The following PRIM2 variants were observed in gnomAD, a reference collection of about 807,000 sequenced individuals.
PRIM2 encodes DNA primase subunit 2.
A neutral mutation model predicts 67.3 loss-of-function variants in PRIM2; 39 were observed. That is an observed-to-expected ratio of 0.58 (90% CI 0.45 to 0.76). The LOEUF (loss-of-function observed/expected upper bound fraction) is 0.76, where lower values mean the gene tolerates loss of function less well. Ranked by LOEUF, PRIM2 falls within the 30% of genes least tolerant of loss-of-function variation. The pLI is 0.00. For missense variants in PRIM2, 398 were observed against 598.7 expected, an observed-to-expected ratio of 0.66 and a Z score of 3.50; for synonymous variants, 143 against 198.7, an observed-to-expected ratio of 0.72 and a Z score of 2.36.
chr6:57,589,624 G>A (rs1340987980), intron 10 of PRIM2, among the ~76,000 whole-genome samples: 6 of 152,118 alleles, frequency 3.9e-5, no homozygotes, highest in East Asian at 1.9e-4. Context: ...TAAGCAGACC[G>A]CTGTGCATCC....
At chr6:57,480,843 G>A (rs1476501143) in intron 7 of PRIM2, among the ~76,000 whole-genome samples, 11 of 152,108 alleles carry the variant, frequency 7.2e-5, no homozygotes, top group Admixed American at 7.2e-4. Context: ...TGCCAGGACG[G>A]TCTCCATTTC....
intron 7 of PRIM2, among the ~76,000 whole-genome samples, chr6:57,496,342 G>A (rs1202619599): frequency 6.6e-6 from 1 of 152,186 alleles, no homozygotes; most frequent in African/African-American, 2.4e-5. Context: ...CAGGTTATAT[G>A]TCTGGAAATA....
chr6:57,260,429 G>A, the PRIM2 span, among the ~76,000 whole-genome samples: 1 of 152,180 alleles, frequency 6.6e-6, no homozygotes, highest in Admixed American at 6.5e-5. Context: ...AGTGAAAAAT[G>A]TGGTGAATTA....
At chr6:57,589,764 A>G (rs1167616135) in intron 10 of PRIM2, among the ~76,000 whole-genome samples, 10 of 152,184 alleles carry the variant, frequency 6.6e-5, no homozygotes, top group African/African-American at 1.9e-4. Context: ...AGCAGACAGT[A>G]TTAGAACTAT....
rs1391513061 is a variant in PRIM2 at position 57,353,079 on chromosome 6, T to A, written c.460-26822T>A. Reference sequence around the variant, plus strand: ...GATATGTGTCATATCCCTTCAAAGCTGTAATTGCTTTAAATTAGACTGTCA... The same window carrying A: ...GATATGTGTCATATCCCTTCAAAGCAGTAATTGCTTTAAATTAGACTGTCA... On this transcript the variant is annotated intron_variant, in intron 5 of 13. Transcript: ENST00000615550. 2.7e-5 allele frequency among the ~76,000 whole-genome samples: 4 copies of A among 150,302 alleles called. No individual in the cohort carries two copies. In the East Asian group the frequency reaches 7.8e-4, roughly 29 times the overall value.
chr6:57,515,842 G>A (rs1200633158), intron 8 of PRIM2, among the ~76,000 whole-genome samples: 1 of 152,148 alleles, frequency 6.6e-6, no homozygotes, highest in Non-Finnish European at 1.5e-5. Flanking sequence ...ATCGGACATG[G>A]GTCTTGCCAG....
At chr6:57,618,816 C>T (rs1174121364) in intron 12 of PRIM2, among the ~76,000 whole-genome samples, 2 of 151,994 alleles carry the variant, frequency 1.3e-5, no homozygotes, top group Non-Finnish European at 2.9e-5. Flanking sequence ...AGCCCCACCC[C>T]CACCTGACAG....
At chr6:57,453,347 A>G (rs1174755014) in intron 7 of PRIM2, among the ~76,000 whole-genome samples, 7 of 152,054 alleles carry the variant, frequency 4.6e-5, no homozygotes, top group Admixed American at 3.3e-4. Context: ...CTTGATGGGG[A>G]TGGCATTGAA....
chr6:57,645,535 G>A (rs1388719733), intron 13 of PRIM2, among the ~76,000 whole-genome samples: 1 of 151,028 alleles, frequency 6.6e-6, no homozygotes, highest in Non-Finnish European at 1.5e-5. Context: ...AAGGTGTCTA[G>A]TATGCCCCAA....
At chr6:57,419,444 T>G (rs1419181381) in intron 7 of PRIM2, among the ~76,000 whole-genome samples, 2 of 151,654 alleles carry the variant, frequency 1.3e-5, no homozygotes, top group Admixed American at 1.3e-4. Flanking sequence ...ATTGAGGAGG[T>G]TTTTGGTGGT....
At chr6:57,222,045 C>G in the PRIM2 span, 3 of 152,378 alleles carry the variant, frequency 2.0e-5, no homozygotes, top group Non-Finnish European at 4.4e-5. Context: ...GCCGCGGACC[C>G]GCCGCCCGGC....
intron 5 of PRIM2, among the ~76,000 whole-genome samples, chr6:57,345,197 T>A (rs1026355080): frequency 6.6e-5 from 10 of 152,108 alleles, no homozygotes; most frequent in African/African-American, 2.4e-4. Context: ...TTCACTCCAT[T>A]GCCTAGCTTG....
chr6:57,277,815 C>T, the PRIM2 span, among the ~76,000 whole-genome samples: 2 of 151,554 alleles, frequency 1.3e-5, no homozygotes, highest in African/African-American at 4.9e-5. Context: ...CCCATCTCTA[C>T]TAAAAAAATA....
At chr6:57,511,767 G>T (rs1433705398) in intron 8 of PRIM2, among the ~76,000 whole-genome samples, 1 of 152,138 alleles carries the variant, frequency 6.6e-6, no homozygotes, top group Admixed American at 6.6e-5. Flanking sequence ...ATTAGGGAAT[G>T]AATATGATTG....
chr6:57,446,635 C>T (rs563941184), intron 7 of PRIM2, among the ~76,000 whole-genome samples: 34 of 151,962 alleles, frequency 2.2e-4, no homozygotes, highest in African/African-American at 8.0e-4. Flanking sequence ...CTAGAAATAT[C>T]CATTCAGTTA....
At chr6:57,330,348 G>GTTTTTTTT (rs1238317111) in intron 5 of PRIM2, among the ~76,000 whole-genome samples, 96 of 87,762 alleles carry the variant, frequency 1.1e-3, no homozygotes, top group Middle Eastern at 7.1e-3. Flanking sequence ...TGCTGAACTT[G>GTTTTTTTT]TTTTTTTTTT....
chr6:57,253,443 C>G, the PRIM2 span, among the ~76,000 whole-genome samples: 1 of 152,108 alleles, frequency 6.6e-6, no homozygotes, highest in Non-Finnish European at 1.5e-5. Flanking sequence ...TAATATGCTA[C>G]TGGCCTGATT....
At chr6:57,357,164 CT>C (rs1379680492) in intron 5 of PRIM2, among the ~76,000 whole-genome samples, 1 of 152,074 alleles carries the variant, frequency 6.6e-6, no homozygotes, top group African/African-American at 2.4e-5. Flanking sequence ...GAACTCCTGA[CT>C]TTGTGATCCC....
chr6:57,502,581 A>G (rs1459133997), intron 7 of PRIM2, among the ~76,000 whole-genome samples: 1 of 151,436 alleles, frequency 6.6e-6, no homozygotes, highest in Non-Finnish European at 1.5e-5. Context: ...AATATTCATG[A>G]CTCCTCCTAT....
Sources: gnomAD v4.1 joint callset for allele counts (sites outside exome capture counted in the v4.1 genomes callset) on GRCh38, gnomAD v4.1.1 for gene constraint, MANE v1.5 for transcripts, NCBI Gene and HGNC (gene_info 2026-07-23, HGNC 2026-07-21) for gene names.